The following PIAS3 variants were observed in gnomAD, a reference collection of about 807,000 sequenced individuals.
PIAS3 encodes the protein E3 SUMO-protein ligase PIAS3.
PIAS3 carries 34 observed loss-of-function variants against 67.6 expected under a neutral mutation model. The ratio of observed to expected loss-of-function variants is 0.50; its 90% CI spans 0.38 to 0.67. The LOEUF (loss-of-function observed/expected upper bound fraction) is 0.67, where lower values mean the gene tolerates loss of function less well. Ranked by LOEUF, PIAS3 falls within the 30% of genes least tolerant of loss-of-function variation. PIAS3 has a pLI of 0.00. For missense variants in PIAS3, 693 were observed against 791.6 expected (o/e 0.88, Z 1.49); for synonymous variants, 341 against 313.8 (o/e 1.09, Z -0.92).
intron 1 of PIAS3, among the ~76,000 whole-genome samples, chr1:145,858,388 ACCT>A (rs1653279441): frequency 6.6e-6 from 1 of 151,822 alleles, no homozygotes; most frequent in Non-Finnish European, 1.5e-5. Flanking sequence ...CTACGGCAGG[ACCT>A]TCCTCTGAGC....
chr1:145,857,205 G>A, intron 1 of PIAS3, 199 bp from the exon 2 acceptor site: 1 of 595,396 alleles, frequency 1.7e-6, no homozygotes, highest in Non-Finnish European at 3.0e-6. Flanking sequence ...CAACCATCAG[G>A]TCAGCATCAT....
rs1553736180 is a variant in PIAS3, at chr1:145,859,020, G to A, written c.-30C>T. 5 of 1,542,588 alleles carry A rather than the reference G, an allele frequency of 3.2e-6. No individual in the cohort carries two copies. The highest frequency in any genetic ancestry group is 4.4e-6 in the Non-Finnish European group (5 of 1,145,132). Reference sequence around the variant, plus strand: ...AGACATCGCAGGCGCCCCAGCCGGAGCCGGAGCTCAGGCCCAGGGACCGGC... The same window carrying A: ...AGACATCGCAGGCGCCCCAGCCGGAACCGGAGCTCAGGCCCAGGGACCGGC... On this transcript the variant is annotated 5_prime_UTR_variant, in exon 1 of 14. Coordinates refer to ENST00000393045, the MANE Select transcript of PIAS3 (RefSeq NM_006099.3).
intron 7 of PIAS3, 111 bp from the exon 8 acceptor site, chr1:145,853,997 T>C: frequency 1.2e-6 from 1 of 844,568 alleles, no homozygotes. Context: ...GGGTGGAGCG[T>C]CTTTGGGGGC....
intron 9 of PIAS3, among the ~76,000 whole-genome samples, chr1:145,853,041 G>A (rs372269382): frequency 6.6e-6 from 1 of 152,080 alleles, no homozygotes; most frequent in East Asian, 1.9e-4. Context: ...GATAAGGTGA[G>A]AATTGCAGTT....
At position 145,850,531 on chromosome 1, in the gene PIAS3, T is replaced by C; in HGVS notation, c.1504A>G (p.Thr502Ala). The C allele has an allele frequency of 6.2e-7, 1 of 1,614,216 alleles. No individual in the cohort carries two copies. The highest frequency in any genetic ancestry group is 8.5e-7 in the Non-Finnish European group (1 of 1,180,030). The part of the protein sequence containing the change: ...SSVLRSPAMG[T>A]LGGDFLSSLP... ...CTGGACAGGAAATCCCCACCCAACG[T>C]GCCCATAGCAGGGCTCCTTAGCACC... Residue 502 changes from threonine to alanine, a missense_variant, in exon 12 of 14, where the codon ACG becomes GCG. Thr to Ala is a moderately conservative substitution (Grantham distance 58). Coordinates refer to ENST00000393045, the MANE Select transcript of PIAS3 (RefSeq NM_006099.3).
intron 9 of PIAS3, 45 bp downstream of exon 9, chr1:145,853,459 G>A (rs782428649): frequency 3.7e-6 from 5 of 1,350,688 alleles, no homozygotes; most frequent in South Asian, 1.4e-5. Flanking sequence ...CAAGAAAAGA[G>A]GTTCTAGTGG....
At position 145,848,627 on chromosome 1, in the gene PIAS3, A is replaced by G; in HGVS notation, c.*819T>C. On this transcript the variant is annotated 3_prime_UTR_variant, in exon 14 of 14. Transcript: ENST00000393045. Reference sequence around the variant, plus strand: ...GGCCTTGGCGAGCCTGAAAAAGAAGATTGGGAAGGAGGGCACAGGGTCCTT... The same window carrying G: ...GGCCTTGGCGAGCCTGAAAAAGAAGGTTGGGAAGGAGGGCACAGGGTCCTT... 1 of 639,744 alleles carries G rather than the reference A, an allele frequency of 1.6e-6. No individual in the cohort carries two copies. Among genetic ancestry groups the G allele is most frequent in the Non-Finnish European group, 2.7e-6 (1 of 371,194 alleles). The allele number at this position is 639,744 out of a possible 1,614,324, so 39.6% of individuals were successfully genotyped here.
chr1:145,854,867 G>A lies in PIAS3; in HGVS notation c.683C>T (p.Pro228Leu). ...CTTGGGCTCGGCCCCATTCTTGGTTGGGGGAAGGTAACCCTGGAGAAGGGA... is the reference window on the plus strand; with the variant it reads ...CTTGGGCTCGGCCCCATTCTTGGTTAGGGGAAGGTAACCCTGGAGAAGGGA... ...KLCPLPGYLP[P>L]TKNGAEPKRP... The change falls in exon 6 of 14, where the codon CCA becomes CTA. Residue 228 changes from proline to leucine, a missense_variant. Physicochemically the swap from Pro to Leu is moderately conservative, Grantham distance 98. Transcript: ENST00000393045. The A allele has an allele frequency of 6.2e-7, 1 of 1,614,178 alleles. No individual in the cohort carries two copies. Among genetic ancestry groups the A allele is most frequent in the Non-Finnish European group, 8.5e-7 (1 of 1,180,022 alleles).
At chr1:145,855,353 G>A (rs1340845725) in intron 5 of PIAS3, among the ~76,000 whole-genome samples, 1 of 152,020 alleles carries the variant, frequency 6.6e-6, no homozygotes, top group African/African-American at 2.4e-5. Flanking sequence ...AGGGTGGTGG[G>A]CACCTGTAAT....
In PIAS3 at chr1:145,859,019, A is replaced by G. The variant is rs781852445; in HGVS notation, c.-29T>C. 7 of 1,542,664 alleles carry G rather than the reference A, an allele frequency of 4.5e-6. No homozygotes were observed. In the African/African-American group the frequency reaches 5.6e-5, roughly 12 times the overall value. On this transcript the variant is annotated 5_prime_UTR_variant, in exon 1 of 14. Transcript: ENST00000393045. Reference sequence around the variant, plus strand: ...GAGACATCGCAGGCGCCCCAGCCGGAGCCGGAGCTCAGGCCCAGGGACCGG... The same window carrying G: ...GAGACATCGCAGGCGCCCCAGCCGGGGCCGGAGCTCAGGCCCAGGGACCGG...
chr1:145,857,119 A>C (rs1364510229), intron 1 of PIAS3, 113 bp from the exon 2 acceptor site: 8 of 891,112 alleles, frequency 9.0e-6, no homozygotes, highest in Non-Finnish European at 1.2e-5. Context: ...ACTGATGGGA[A>C]AGATGATGCT....
intron 9 of PIAS3, among the ~76,000 whole-genome samples, chr1:145,851,542 G>C (rs1399613006): frequency 6.6e-6 from 1 of 150,798 alleles, no homozygotes; most frequent in Non-Finnish European, 1.5e-5. Flanking sequence ...TATAATCCCA[G>C]CTACTTAGGA....
In PIAS3 at chr1:145,853,815, G is replaced by T; in HGVS notation, c.982C>A (p.Pro328Thr). 1 of 1,613,850 alleles carries T rather than the reference G, an allele frequency of 6.2e-7. No homozygotes were observed. ...TTCCCTTCTCCCCTTTTACCCACCG[G>T]GCACATGAGTGACACCCGGAGACTT... ...TTSLRVSLMC[P>T]LGKMRLTVPC... The change falls in exon 8 of 14, where the codon CCG becomes ACG. Residue 328 changes from proline (P) to threonine (T), a missense_variant and splice_region_variant. Pro to Thr is a conservative substitution (Grantham distance 38). Around this residue, in one of 3 missense-constraint regions of PIAS3, gnomAD observed 115 missense variants for 181.8 expected, o/e 0.63. Transcript: ENST00000393045.
intron 1 of PIAS3, among the ~76,000 whole-genome samples, chr1:145,858,104 G>A (rs1553735966): frequency 6.6e-6 from 1 of 152,102 alleles, no homozygotes; most frequent in Non-Finnish European, 1.5e-5. Flanking sequence ...ACTCTATGTA[G>A]CAGGAGGGGA....
In PIAS3 at chr1:145,850,502, G is replaced by A. The variant is rs1559162189; in HGVS notation, c.1533C>T (p.Leu511=). 2.5e-6 allele frequency: 4 copies of A among 1,614,222 alleles called. No homozygotes were observed. The highest frequency in any genetic ancestry group is 8.5e-7 in the Non-Finnish European group (1 of 1,180,044). ...AGGCAGGTGGGTACTCATGTAGTGG[G>A]AGACTGGACAGGAAATCCCCACCCA... The part of the protein sequence containing the change: ...GTLGGDFLSS[L]PLHEYPPAFP... The change falls in exon 12 of 14, where the codon CTC becomes CTT. Residue 511 remains leucine (L), a synonymous_variant. Coordinates refer to ENST00000393045, the MANE Select transcript of PIAS3 (RefSeq NM_006099.3).
intron 1 of PIAS3, 25 bp downstream of exon 1, chr1:145,858,941 TG>T: frequency 6.6e-7 from 1 of 1,509,726 alleles, no homozygotes; most frequent in Middle Eastern, 1.8e-4. Flanking sequence ...TGAGTCCAGA[TG>T]GGGATGGGGG....
At position 145,856,751 on chromosome 1, in the gene PIAS3, C is replaced by A; in HGVS notation, c.280G>T (p.Ala94Ser). Residue 94 changes from alanine (A) to serine (S), a missense_variant, in exon 2 of 14, where the codon GCT becomes TCT. Physicochemically the swap from Ala to Ser is moderately conservative, Grantham distance 99. Transcript: ENST00000393045. ...GCCAACAGCGTTGGGGGAATGGGAGCTAGAGGACCAGGGGAGCCTACAGGA... is the reference window on the plus strand; with the variant it reads ...GCCAACAGCGTTGGGGGAATGGGAGATAGAGGACCAGGGGAGCCTACAGGA... ...TSPVGSPGPL[A>S]PIPPTLLAPG... is the part of the protein sequence containing the mutation. 1 of 1,614,024 alleles carries A rather than the reference C, an allele frequency of 6.2e-7. No individual in the cohort carries two copies. The highest frequency in any genetic ancestry group is 8.5e-7 in the Non-Finnish European group (1 of 1,179,962).
intron 9 of PIAS3, among the ~76,000 whole-genome samples, chr1:145,851,959 CAA>C (rs782076715): frequency 3.2e-4 from 19 of 58,760 alleles, no homozygotes; most frequent in African/African-American, 5.7e-4. Flanking sequence ...AACACCGTCT[CAA>C]AAAAAAAAAA....
At chr1:145,853,461 T>G in intron 9 of PIAS3, 43 bp downstream of exon 9, 1 of 1,356,854 alleles carries the variant, frequency 7.4e-7, no homozygotes, top group Non-Finnish European at 1.0e-6. Context: ...AGAAAAGAGG[T>G]TCTAGTGGAT....
Sources: gnomAD v4.1 joint callset for allele counts (sites outside exome capture counted in the v4.1 genomes callset) on GRCh38, gnomAD v4.1.1 for gene constraint, gnomAD v4.1.1 regional missense constraint, MANE v1.5 for transcripts, NCBI Gene and HGNC (gene_info 2026-07-23, HGNC 2026-07-21) for gene names.